SLCO1A2: variants seen among roughly 807,000 people sequenced by gnomAD.
SLCO1A2 encodes OATP-1.
SLCO1A2 carries 67 observed loss-of-function variants against 69.0 expected under a neutral mutation model. The ratio of observed to expected loss-of-function variants is 0.97; its 90% confidence interval spans 0.80 to 1.19. The LOEUF (loss-of-function observed/expected upper bound fraction) is 1.19, where lower values mean the gene tolerates loss of function less well. Among genes scored for constraint, SLCO1A2 ranks in the 50% most tolerant of loss-of-function variants. The pLI, the probability that SLCO1A2 is intolerant of heterozygous loss-of-function variation, is 0.00. For synonymous variants in SLCO1A2, 260 were observed against 265.9 expected (o/e 0.98, Z 0.22); for missense variants, 787 against 793.7 (o/e 0.99, Z 0.10).
upstream of SLCO1A2, among the ~76,000 whole-genome samples, chr12:21,335,913 CG>C (rs1952870470): frequency 6.6e-6 from 1 of 152,100 alleles, no homozygotes; most frequent in African/African-American, 2.4e-5. Context: ...TATAAACTAG[CG>C]AGAGAAGTAT....
upstream of SLCO1A2, among the ~76,000 whole-genome samples, chr12:21,336,096 C>T (rs180943017): frequency 6.6e-6 from 1 of 151,542 alleles, no homozygotes; most frequent in Non-Finnish European, 1.5e-5. Context: ...TCTGAACTGC[C>T]CTCATTTCTT....
chr12:21,295,783 T>A lies in SLCO1A2; in HGVS notation c.1085A>T (p.Asn362Ile). ...ATATCCAATACATATTGGAGGTAAGTTATAAATACCTATAAATGCAAATAA... is the reference window on the plus strand; with the variant it reads ...ATATCCAATACATATTGGAGGTAAGATATAAATACCTATAAATGCAAATAA... ...SDAIFLMGIY[N>I]LPPICIGYII... The change falls in exon 10 of 15, where the codon AAC becomes ATC. Residue 362 changes from asparagine (N) to isoleucine (I), a missense_variant. Physicochemically the swap from Asn to Ile is moderately radical, Grantham distance 149. Coordinates refer to ENST00000683939, the MANE Select transcript of SLCO1A2 (RefSeq NM_001386879.1). 1 of 1,480,942 alleles carries A rather than the reference T, an allele frequency of 6.8e-7. No individual in the cohort carries two copies. Among genetic ancestry groups the A allele is most frequent in the Non-Finnish European group, 9.4e-7 (1 of 1,067,082 alleles). The allele number at this position is 1,480,942 out of a possible 1,614,324, so 91.7% of individuals were successfully genotyped here.
At chr12:21,298,246 T>G (rs2199684) in intron 8 of SLCO1A2, among the ~76,000 whole-genome samples, 25,030 of 152,182 alleles carry the variant, frequency 0.16, 2,506 homozygotes, top group African/African-American at 0.27. Context: ...TGTAAATGAT[T>G]TAATCAAAAA....
chr12:21,375,976 A>C (rs1940166297), intron 1 of SLCO1A2, among the ~76,000 whole-genome samples: 1 of 152,152 alleles, frequency 6.6e-6, no homozygotes, highest in South Asian at 2.1e-4. Flanking sequence ...TCCATCCTAA[A>C]GATTGCTTTA....
chr12:21,316,081 T>C (rs557878623), intron 3 of SLCO1A2, among the ~76,000 whole-genome samples: 1 of 152,306 alleles, frequency 6.6e-6, no homozygotes, highest in South Asian at 2.1e-4. Flanking sequence ...TGGTAGAAAT[T>C]GTTAATATAT....
At chr12:21,382,367 C>A (rs1940639669) in intron 1 of SLCO1A2, among the ~76,000 whole-genome samples, 1 of 152,092 alleles carries the variant, frequency 6.6e-6, no homozygotes, top group African/African-American at 2.4e-5. Flanking sequence ...AAAGAACCAT[C>A]AGTCAGATAT....
intron 14 of SLCO1A2, among the ~76,000 whole-genome samples, chr12:21,273,416 A>T (rs947520039): frequency 3.3e-5 from 5 of 152,202 alleles, no homozygotes; most frequent in Non-Finnish European, 7.3e-5. Flanking sequence ...GTAGGGATCC[A>T]TGGAGAATTG....
chr12:21,265,320 G>C lies in SLCO1A2; in HGVS notation c.*4228C>G, dbSNP rs1317394175. The C allele has an allele frequency of 1.3e-5, 2 of 152,404 alleles. No individual in the cohort carries two copies. The highest frequency in any genetic ancestry group is 2.9e-5 in the Non-Finnish European group (2 of 68,234). 9.4% of individuals were successfully genotyped at this position (152,404 alleles called of 1,614,324 possible). ...GGGAGAACAGCATGCATTCTGGGCA[G>C]GGTGGGACACAGTGAAGGGATGGAA... is the stretch of plus-strand genomic sequence containing the variant. On this transcript the variant is annotated 3_prime_UTR_variant, in exon 15 of 15. Coordinates refer to ENST00000683939, the MANE Select transcript of SLCO1A2 (RefSeq NM_001386879.1).
At chr12:21,390,003 C>T (rs1371211109) in intron 1 of SLCO1A2, among the ~76,000 whole-genome samples, 1 of 151,252 alleles carries the variant, frequency 6.6e-6, no homozygotes, top group Admixed American at 6.6e-5. Context: ...TACTTTTGCA[C>T]TAGCCTAATA....
chr12:21,406,738 G>C (rs1053801912), intron 1 of SLCO1A2, among the ~76,000 whole-genome samples: 1 of 152,182 alleles, frequency 6.6e-6, no homozygotes, highest in South Asian at 2.1e-4. Context: ...TGGGGATTCA[G>C]TCAGCTTCAG....
chr12:21,291,083 C>T (rs1381403774), intron 12 of SLCO1A2, among the ~76,000 whole-genome samples: 1 of 152,146 alleles, frequency 6.6e-6, no homozygotes, highest in African/African-American at 2.4e-5. Flanking sequence ...TGTATCAGGA[C>T]ATCACATATT....
chr12:21,283,860 GAT>G (rs1296377622), intron 12 of SLCO1A2, among the ~76,000 whole-genome samples: 1 of 152,124 alleles, frequency 6.6e-6, no homozygotes, highest in Non-Finnish European at 1.5e-5. Context: ...ACTGCAATGA[GAT>G]ATCATCTCAC....
chr12:21,279,864 C>A (rs1057134268), intron 12 of SLCO1A2, among the ~76,000 whole-genome samples: 16 of 151,728 alleles, frequency 1.1e-4, no homozygotes, highest in African/African-American at 3.9e-4. Flanking sequence ...AAAGATGAAC[C>A]AATCAAAAAT....
chr12:21,278,657 A>G (rs1466723561), intron 12 of SLCO1A2, among the ~76,000 whole-genome samples: 1 of 152,200 alleles, frequency 6.6e-6, no homozygotes. Flanking sequence ...GTGAGTCTAC[A>G]TGAACCACAG....
intron 1 of SLCO1A2, among the ~76,000 whole-genome samples, chr12:21,385,765 A>G (rs1244924555): frequency 3.3e-5 from 5 of 152,236 alleles, no homozygotes; most frequent in Non-Finnish European, 5.9e-5. Context: ...GGATGGGTAG[A>G]GGAGGCTGGC....
At chr12:21,325,531 AT>A (rs947999300) in intron 2 of SLCO1A2, among the ~76,000 whole-genome samples, 11 of 152,110 alleles carry the variant, frequency 7.2e-5, no homozygotes, top group Admixed American at 2.0e-4. Context: ...TTTGCCTCAG[AT>A]TTGCCCCAGG....
At chr12:21,389,574 A>G (rs186796312) in intron 1 of SLCO1A2, among the ~76,000 whole-genome samples, 25 of 152,276 alleles carry the variant, frequency 1.6e-4, no homozygotes, top group Non-Finnish European at 2.9e-4. Flanking sequence ...ATGTATCCAT[A>G]TGAAGAACTT....
intron 2 of SLCO1A2, among the ~76,000 whole-genome samples, chr12:21,329,362 G>A (rs1471211722): frequency 6.6e-6 from 1 of 152,026 alleles, no homozygotes; most frequent in Non-Finnish European, 1.5e-5. Flanking sequence ...TTTTCTTTCT[G>A]TGGGTAGCTT....
chr12:21,317,091 A>G (rs1950972648), intron 3 of SLCO1A2, among the ~76,000 whole-genome samples: 2 of 152,068 alleles, frequency 1.3e-5, no homozygotes, highest in Non-Finnish European at 2.9e-5. Context: ...AGTTTTTTTT[A>G]TGCAATTAAA....
Sources: gnomAD v4.1 joint callset for allele counts (sites outside exome capture counted in the v4.1 genomes callset) on GRCh38, gnomAD v4.1.1 for gene constraint, MANE v1.5 for transcripts, NCBI Gene and HGNC (gene_info 2026-07-23, HGNC 2026-07-21) for gene names.